Variants in LRP6 observed in about 807,000 individuals in gnomAD.
The protein encoded by LRP6 is low-density lipoprotein receptor-related protein 6.
Under a neutral mutation model 184.1 loss-of-function variants are expected in LRP6, and 43 were observed. The observed-to-expected ratio is 0.23, with a 90% CI of 0.18 to 0.30. The LOEUF is 0.30. Among genes scored for constraint, LRP6 ranks in the 10% least tolerant of loss-of-function variants. The probability of loss-of-function intolerance (pLI) is 1.00; values close to 1 mark genes in which losing one functional copy is unlikely to be tolerated. For missense variants in LRP6, 1,571 were observed against 2,005.3 expected, an observed-to-expected ratio of 0.78 and a Z score of 4.14; for synonymous variants, 719 against 684.9, an observed-to-expected ratio of 1.05 and a Z score of -0.78.
rs1168760069 is a variant in LRP6, at chr12:12,155,884, GC to G, written c.2791+2944del. 6 of 581,936 alleles carry G rather than the reference GC, an allele frequency of 1.0e-5. No individual in the cohort carries two copies. The African/African-American group carries it at 1.1e-4, about 11-fold the overall frequency. The allele number at this position is 581,936 out of a possible 1,614,324, so 36.0% of individuals were successfully genotyped here. A position where few individuals can be genotyped will look rare whatever the true frequency, so the allele number is the denominator to read the frequency against. On this transcript the variant is annotated intron_variant, in intron 12 of 22. Transcript: ENST00000261349. ...TAAAACAGCGTATGTGTTTTTCCAAGCCTTGCCTTGTTTCTTCATTCATTTA... is the reference window on the plus strand; with the variant it reads ...TAAAACAGCGTATGTGTTTTTCCAAGCTTGCCTTGTTTCTTCATTCATTTA...
intron 18 of LRP6, among the ~76,000 whole-genome samples, chr12:12,131,141 T>G (rs542027484): frequency 4.5e-5 from 6 of 134,422 alleles, no homozygotes; most frequent in African/African-American, 1.4e-4. Flanking sequence ...GGAGTCTTGC[T>G]CTGTCGCCCA....
Position 12,248,471 on chromosome 12 carries a change from C to CTTTTTTT in LRP6, c.56-3823_56-3817dup, listed in dbSNP as rs71061030. ...CAGTGGTCTTTTCTCAGTCTTTACT[C>CTTTTTTT]TTTTTTTTTTTTTTTTTTTTTTTTT... On this transcript the variant is annotated intron_variant, in intron 1 of 22. Coordinates refer to ENST00000261349, the MANE Select transcript of LRP6 (RefSeq NM_002336.3). 3.7e-4 allele frequency among the ~76,000 whole-genome samples: 23 copies of CTTTTTTT among 62,760 alleles called. 1 individual carries two copies. The highest frequency in any genetic ancestry group is 8.2e-4 in the African/African-American group (14 of 17,116). The allele number at this position is 62,760 out of a possible 152,430, so 41.2% of individuals were successfully genotyped here.
chr12:12,159,317 C>T (rs950680594), intron 11 of LRP6, among the ~76,000 whole-genome samples, 162 bp from the exon 12 acceptor site: 24 of 151,842 alleles, frequency 1.6e-4, no homozygotes, highest in Admixed American at 3.3e-4. Context: ...AATTCTAAAA[C>T]GAGACCAATT....
rs1591901809 is a variant in LRP6, at chr12:12,162,385, A to G, written c.2087T>C (p.Leu696Pro). 2 of 1,614,222 alleles carry G rather than the reference A, an allele frequency of 1.2e-6. No individual in the cohort carries two copies. Among genetic ancestry groups the G allele is most frequent in the Non-Finnish European group, 1.7e-6 (2 of 1,180,018 alleles). The change falls in exon 10 of 23, where the codon CTG becomes CCG. Residue 696 changes from leucine to proline, a missense_variant. Physicochemically the swap from Leu to Pro is moderately conservative, Grantham distance 98 (BLOSUM62 -3). Around this residue, in one of 4 missense-constraint regions of LRP6, gnomAD observed 10 missense variants for 35.5 expected, o/e 0.28. Transcript: ENST00000261349. The stretch of plus-strand genomic sequence containing the variant: ...TAAGCCGAATTCTACCACATGTTCC[A>G]GTGCACTGCCATTCATAAAGGCTCT... ...ISRAFMNGSA[L>P]EHVVEFGLDY...
intron 19 of LRP6, among the ~76,000 whole-genome samples, chr12:12,130,426 T>A (rs1446861120): frequency 1.3e-5 from 2 of 152,220 alleles, no homozygotes; most frequent in East Asian, 3.9e-4. Flanking sequence ...CCTCAAGTGA[T>A]CCGCCCACCT....
At chr12:12,211,141 G>C (rs762115027) in intron 2 of LRP6, 2 of 152,206 alleles carry the variant, frequency 1.3e-5, no homozygotes, top group Non-Finnish European at 2.9e-5. Context: ...ACAGTAACCA[G>C]ATAAAAGAGT....
chr12:12,148,790 CTGTTAAGATAA>C, intron 14 of LRP6, 141 bp downstream of exon 14: 1 of 719,400 alleles, frequency 1.4e-6, no homozygotes, highest in Non-Finnish European at 2.5e-6. Flanking sequence ...TGTAAGACAA[CTGTTAAGATAA>C]TGCAGAAACA....
intron 7 of LRP6, among the ~76,000 whole-genome samples, chr12:12,176,472 C>T (rs550626932): frequency 1.5e-4 from 23 of 152,232 alleles, no homozygotes; most frequent in Non-Finnish European, 2.8e-4. Context: ...CAATGCCCTA[C>T]GCTCAATCCC....
intron 1 of LRP6, among the ~76,000 whole-genome samples, chr12:12,251,521 G>A (rs151005647): frequency 0.049 from 7,480 of 151,770 alleles, 203 homozygotes; most frequent in Middle Eastern, 0.16. Context: ...CCGCCACCAC[G>A]CACGGCTAAT....
intron 14 of LRP6, among the ~76,000 whole-genome samples, chr12:12,147,966 C>T (rs1214404332): frequency 6.6e-6 from 1 of 150,656 alleles, no homozygotes; most frequent in Non-Finnish European, 1.5e-5. Flanking sequence ...TCGAGCCAAA[C>T]CTTGTATCCA....
intron 15 of LRP6, chr12:12,139,108 C>A: frequency 1.2e-6 from 1 of 822,768 alleles, no homozygotes; most frequent in Non-Finnish European, 1.6e-6. Context: ...TACCCCCCAC[C>A]CTGCTTTATT....
intron 15 of LRP6, 23 bp from the exon 16 acceptor site, chr12:12,138,557 C>T: frequency 6.3e-7 from 1 of 1,586,480 alleles, no homozygotes; most frequent in Non-Finnish European, 8.7e-7. Context: ...GAAAATTCAA[C>T]AGAAATGACT....
intron 3 of LRP6, among the ~76,000 whole-genome samples, chr12:12,202,642 A>G (rs1319334936): frequency 6.6e-6 from 1 of 152,258 alleles, no homozygotes; most frequent in African/African-American, 2.4e-5. Flanking sequence ...TAGCAGAAGT[A>G]GTTGAACCGG....
At chr12:12,125,226 C>T in intron 21 of LRP6, 70 bp downstream of exon 21, 4 of 1,569,714 alleles carry the variant, frequency 2.5e-6, no homozygotes, top group Admixed American at 1.7e-5. Flanking sequence ...CACTGATCAC[C>T]CACATTTAAA....
Position 12,185,826 on chromosome 12 carries a change from T to TTGTG in LRP6, c.844+1093_844+1096dup, listed in dbSNP as rs35641659. Among the ~76,000 whole-genome samples, 114 of 148,876 alleles carry TTGTG rather than the reference T, an allele frequency of 7.7e-4. 3 individuals are homozygous for TTGTG. In the South Asian group the frequency reaches 0.011, roughly 14 times the overall value. On this transcript the variant is annotated intron_variant, in intron 4 of 22. Coordinates refer to ENST00000261349, the MANE Select transcript of LRP6 (RefSeq NM_002336.3). ...TTTCATTTAAAAAGAAGAGGCGTTT[T>TTGTG]TGTGTGTGTGTGTGTTTTTTGTTTT...
intron 15 of LRP6, chr12:12,138,840 A>C: frequency 7.2e-7 from 1 of 1,392,092 alleles, no homozygotes. Flanking sequence ...CAACAGATAA[A>C]AATGGCACTT....
In LRP6 at chr12:12,147,664, T is replaced by G. The variant is rs1270481009; in HGVS notation, c.3207-108A>C. On this transcript the variant is annotated intron_variant, in intron 14 of 22. Coordinates refer to ENST00000261349, the MANE Select transcript of LRP6 (RefSeq NM_002336.3). Reference sequence around the variant, plus strand: ...GTAGAGTATTTTTAAGTATTGTTTTTAAAAGTTTTAAAATACGTATTTTTT... The same window carrying G: ...GTAGAGTATTTTTAAGTATTGTTTTGAAAAGTTTTAAAATACGTATTTTTT... 3.1e-6 allele frequency: 3 copies of G among 958,792 alleles called. No homozygotes were observed. The East Asian group carries it at 7.5e-5, about 24-fold the overall frequency. 59.4% of individuals were successfully genotyped at this position (958,792 alleles called of 1,614,324 possible). A position where few individuals can be genotyped will look rare whatever the true frequency, so the allele number is the denominator to read the frequency against.
chr12:12,199,176 T>A (rs1399259630), intron 3 of LRP6, among the ~76,000 whole-genome samples: 2 of 151,968 alleles, frequency 1.3e-5, no homozygotes, highest in African/African-American at 4.8e-5. Flanking sequence ...TTCAGTTATA[T>A]ACACTGAATT....
rs749857104 is a variant in LRP6, at chr12:12,119,339, G to C, written c.*1787C>G. ...CTGAAACCCAGAGAGGCCTTGGCAA[G>C]ACAGAATTAAAAAAGAAAAAAAAAA... On this transcript the variant is annotated 3_prime_UTR_variant, in exon 23 of 23. Coordinates refer to ENST00000261349, the MANE Select transcript of LRP6 (RefSeq NM_002336.3). 1 of 150,376 alleles carries C rather than the reference G, an allele frequency of 6.6e-6. No homozygotes were observed. The highest frequency in any genetic ancestry group is 2.4e-5 in the African/African-American group (1 of 40,824). The allele number at this position is 150,376 out of a possible 1,614,324, so 9.3% of individuals were successfully genotyped here. A position where few individuals can be genotyped will look rare whatever the true frequency, so the allele number is the denominator to read the frequency against.
Sources: allele counts gnomAD v4.1 joint callset (sites outside exome capture counted in the v4.1 genomes callset), GRCh38; gene constraint gnomAD v4.1.1; regional missense constraint gnomAD v4.1.1; transcripts MANE v1.5; gene names NCBI Gene and HGNC (gene_info 2026-07-23, HGNC 2026-07-21).